ZCCHC24: variants seen among roughly 807,000 people sequenced by gnomAD.
The protein encoded by ZCCHC24 is zinc finger CCHC-type containing 24, also known as zinc finger CCHC domain-containing protein 24.
In ZCCHC24, 10 loss-of-function variants were observed where a neutral mutation model predicts 26.2. That is an observed-to-expected ratio of 0.38 (90% confidence interval 0.24 to 0.65). ZCCHC24 has a LOEUF of 0.65. Among genes scored for constraint, ZCCHC24 ranks in the 30% least tolerant of loss-of-function variants. ZCCHC24 has a pLI of 0.54. For synonymous variants in ZCCHC24, 144 were observed against 147.1 expected, an observed-to-expected ratio of 0.98 and a Z score of 0.15; for missense variants, 243 against 329.1, an observed-to-expected ratio of 0.74 and a Z score of 2.03.
chr10:79,432,444 A>T, intron 2 of ZCCHC24, 114 bp downstream of exon 2: 30 of 843,476 alleles, frequency 3.6e-5, no homozygotes, highest in Non-Finnish European at 4.4e-5. Flanking sequence ...CCACGGGGCC[A>T]CTCATTGGTG....
intron 3 of ZCCHC24, among the ~76,000 whole-genome samples, chr10:79,388,244 C>T (rs1018531804): frequency 6.6e-6 from 1 of 152,098 alleles, no homozygotes; most frequent in Non-Finnish European, 1.5e-5. Flanking sequence ...AGCTGTCTGT[C>T]GTTTGTCTTA....
In ZCCHC24 at chr10:79,386,111, G is replaced by T; in HGVS notation, c.*234C>A. 1 of 590,626 alleles carries T rather than the reference G, an allele frequency of 1.7e-6. No individual in the cohort carries two copies. The highest frequency in any genetic ancestry group is 3.0e-5 in the Admixed American group (1 of 33,810). 36.6% of individuals were successfully genotyped at this position (590,626 alleles called of 1,614,324 possible). On this transcript the variant is annotated 3_prime_UTR_variant, in exon 4 of 4. Transcript: ENST00000372336. Reference sequence around the variant, plus strand: ...TCCCCTCCACTGAGACCCCAGGCCCGCCTGCAAAAAGCCCCAGACTCCCTG... The same window carrying T: ...TCCCCTCCACTGAGACCCCAGGCCCTCCTGCAAAAAGCCCCAGACTCCCTG...
At chr10:79,404,791 G>A (rs968388470) in intron 2 of ZCCHC24, among the ~76,000 whole-genome samples, 3 of 152,182 alleles carry the variant, frequency 2.0e-5, no homozygotes, top group African/African-American at 7.2e-5. Flanking sequence ...AACATGCAAG[G>A]CATTCGGGCC....
chr10:79,435,498 C>T (rs952596885), intron 1 of ZCCHC24, among the ~76,000 whole-genome samples: 1 of 152,246 alleles, frequency 6.6e-6, no homozygotes, highest in Non-Finnish European at 1.5e-5. Context: ...CTGCCCCAGG[C>T]AGCTCCACAG....
At chr10:79,440,797 T>C (rs1857283019) in intron 1 of ZCCHC24, among the ~76,000 whole-genome samples, 1 of 152,160 alleles carries the variant, frequency 6.6e-6, no homozygotes, top group South Asian at 2.1e-4. Flanking sequence ...TCCCTGCTGC[T>C]GCCACTTACT....
intron 1 of ZCCHC24, among the ~76,000 whole-genome samples, chr10:79,441,249 C>T (rs1420534315): frequency 1.3e-5 from 2 of 152,106 alleles, no homozygotes; most frequent in African/African-American, 4.8e-5. Flanking sequence ...GGCTTATCTC[C>T]GTCTGTTGAG....
chr10:79,401,225 C>T (rs1206732569), intron 2 of ZCCHC24, among the ~76,000 whole-genome samples: 2 of 152,204 alleles, frequency 1.3e-5, no homozygotes, highest in Non-Finnish European at 2.9e-5. Context: ...GAGGTATGTG[C>T]CTCACCCCCA....
At chr10:79,435,602 G>A (rs1370780227) in intron 1 of ZCCHC24, among the ~76,000 whole-genome samples, 1 of 152,202 alleles carries the variant, frequency 6.6e-6, no homozygotes, top group African/African-American at 2.4e-5. Context: ...CCATCCCCCA[G>A]CCCTAATTCC....
At position 79,384,282 on chromosome 10, in the gene ZCCHC24, C is replaced by T. The variant is rs901189552; in HGVS notation, c.*2063G>A. On this transcript the variant is annotated 3_prime_UTR_variant, in exon 4 of 4. Coordinates refer to ENST00000372336, the MANE Select transcript of ZCCHC24 (RefSeq NM_153367.4). ...CTGGGTTAGTTTTAGGGTGTGGGCC[C>T]CCCACCTTTGCAGCACAGCTGGCAG... 6.6e-6 allele frequency: 1 copy of T among 152,406 alleles called. No homozygotes were observed. The highest frequency in any genetic ancestry group is 2.4e-5 in the African/African-American group (1 of 41,466). The allele number at this position is 152,406 out of a possible 1,614,324, so 9.4% of individuals were successfully genotyped here.
chr10:79,443,509 C>G (rs1406983006), intron 1 of ZCCHC24, among the ~76,000 whole-genome samples: 1 of 152,188 alleles, frequency 6.6e-6, no homozygotes, highest in South Asian at 2.1e-4. Flanking sequence ...CACAAGCACC[C>G]CCATCAAATC....
rs5786398 is a variant in ZCCHC24 at position 79,383,631 on chromosome 10, C to CTTT, written c.*2711_*2713dup. ...AATCAAACAATTATATTTTTCTTTT[C>CTTT]TTTTTTTTTTTTTAAAAAAAGGCCC... On this transcript the variant is annotated 3_prime_UTR_variant, in exon 4 of 4. Transcript: ENST00000372336. 6.9e-5 allele frequency: 10 copies of CTTT among 144,326 alleles called. No homozygotes were observed. The highest frequency in any genetic ancestry group is 2.3e-4 in the African/African-American group (9 of 39,242). 8.9% of individuals were successfully genotyped at this position (144,326 alleles called of 1,614,324 possible).
chr10:79,443,998 C>T (rs1857323264), intron 1 of ZCCHC24: 2 of 1,380,066 alleles, frequency 1.4e-6, no homozygotes, highest in East Asian at 2.9e-5. Context: ...CAGAGTTGAA[C>T]TCAAGGGCGA....
intron 2 of ZCCHC24, among the ~76,000 whole-genome samples, chr10:79,407,485 C>A (rs1185102199): frequency 6.6e-6 from 1 of 152,228 alleles, no homozygotes; most frequent in Non-Finnish European, 1.5e-5. Flanking sequence ...GTACACTGCA[C>A]GCTGCTGCCC....
intron 2 of ZCCHC24, among the ~76,000 whole-genome samples, chr10:79,412,623 C>A (rs1030034505): frequency 6.6e-6 from 1 of 152,210 alleles, no homozygotes; most frequent in African/African-American, 2.4e-5. Flanking sequence ...TTTCCCTGGC[C>A]GTGGACTGCC....
chr10:79,386,510 G>T, intron 3 of ZCCHC24, 52 bp from the exon 4 acceptor site: 1 of 1,413,422 alleles, frequency 7.1e-7, no homozygotes, highest in Non-Finnish European at 9.7e-7. Context: ...GAGAAAGACA[G>T]AAACACAGAG....
At chr10:79,444,166 C>A in intron 1 of ZCCHC24, 5 of 1,543,220 alleles carry the variant, frequency 3.2e-6, no homozygotes, top group Non-Finnish European at 4.4e-6. Context: ...ACACCTCTTG[C>A]ATCTTTGCAG....
intron 1 of ZCCHC24, among the ~76,000 whole-genome samples, chr10:79,435,846 G>A (rs1007942860): frequency 2.6e-5 from 4 of 152,352 alleles, no homozygotes; most frequent in East Asian, 1.9e-4. Context: ...GGAGGTGAAA[G>A]GCAAATCAGT....
At chr10:79,394,559 T>G in intron 2 of ZCCHC24, 119 bp from the exon 3 acceptor site, 2 of 1,477,478 alleles carry the variant, frequency 1.4e-6, no homozygotes, top group Non-Finnish European at 1.8e-6. Context: ...GCAGGCACCT[T>G]TTGTCCCCAG....
At chr10:79,390,659 G>A (rs1490654906) in intron 3 of ZCCHC24, among the ~76,000 whole-genome samples, 4 of 152,206 alleles carry the variant, frequency 2.6e-5, no homozygotes, top group African/African-American at 7.2e-5. Context: ...CATTCCCCTC[G>A]GCAGACGGAA....
Sources: gnomAD v4.1 joint callset for allele counts (sites outside exome capture counted in the v4.1 genomes callset) on GRCh38, gnomAD v4.1.1 for gene constraint, MANE v1.5 for transcripts, NCBI Gene and HGNC (gene_info 2026-07-23, HGNC 2026-07-21) for gene names.